CFAP20DC: variants seen among roughly 807,000 people sequenced by gnomAD.
The protein encoded by CFAP20DC is CFAP20 domain containing, also known as protein CFAP20DC.
A neutral mutation model predicts 101.7 loss-of-function variants in CFAP20DC; 84 were observed. The observed-to-expected ratio is 0.83, with a 90% CI of 0.69 to 0.99. CFAP20DC has a LOEUF of 0.99. Ranked by LOEUF, CFAP20DC falls within the 50% of genes least tolerant of loss-of-function variation. CFAP20DC has a pLI of 0.00. For missense variants in CFAP20DC, 1,007 were observed against 970.3 expected (o/e 1.04, Z -0.50); for synonymous variants, 359 against 351.2 (o/e 1.02, Z -0.25).
intron 15 of CFAP20DC, among the ~76,000 whole-genome samples, chr3:58,770,983 A>G (rs1456202218): frequency 6.6e-6 from 1 of 152,196 alleles, no homozygotes; most frequent in African/African-American, 2.4e-5. Context: ...TCACAATAGC[A>G]AAGACTTGGA....
rs1197847263 is a variant in CFAP20DC at position 58,717,575 on chromosome 3, G to T, written c.*13C>A. 1 of 452,246 alleles carries T rather than the reference G, an allele frequency of 2.2e-6. No homozygotes were observed. Among genetic ancestry groups the T allele is most frequent in the Admixed American group, 2.4e-5 (1 of 42,000 alleles). 28.0% of individuals were successfully genotyped at this position (452,246 alleles called of 1,614,324 possible). ...GTTCTTGTCCTGATATCTTTAGAGT[G>T]TGAGTTTTGCCTTCACAGTTGCAAA... On this transcript the variant is annotated 3_prime_UTR_variant, in exon 4 of 4. Transcript: ENST00000486145. The surrounding 1 kb of genome is among the most constrained non-coding windows in gnomAD (Gnocchi z 4.1).
chr3:58,905,453 A>C (rs1327294455), intron 6 of CFAP20DC, among the ~76,000 whole-genome samples: 1 of 152,232 alleles, frequency 6.6e-6, no homozygotes, highest in Non-Finnish European at 1.5e-5. Context: ...AAAGTAATAA[A>C]GTAAATTGAA....
At chr3:58,836,744 C>A (rs2076763209) in intron 13 of CFAP20DC, among the ~76,000 whole-genome samples, 1 of 151,964 alleles carries the variant, frequency 6.6e-6, no homozygotes. Flanking sequence ...GACTATCGAA[C>A]AATCTCCACC....
Position 58,871,625 on chromosome 3 carries a change from T to A in CFAP20DC, c.716-1316A>T, listed in dbSNP as rs531783227. Among the ~76,000 whole-genome samples, 10 of 150,218 alleles carry A rather than the reference T, an allele frequency of 6.7e-5. No individual in the cohort carries two copies. In the East Asian group the frequency reaches 2.0e-3, roughly 29 times the overall value. Reference sequence around the variant, plus strand: ...CTCACTGCAACCGCCGCCTCCTGGGTTCAAGCGATTCTCATGCCTCAGCCC... The same window carrying A: ...CTCACTGCAACCGCCGCCTCCTGGGATCAAGCGATTCTCATGCCTCAGCCC... On this transcript the variant is annotated intron_variant, in intron 7 of 16. Transcript: ENST00000482387.
At chr3:59,000,932 T>C (rs2108749226) in intron 4 of CFAP20DC, among the ~76,000 whole-genome samples, 1 of 151,762 alleles carries the variant, frequency 6.6e-6, no homozygotes. Flanking sequence ...TAAAAAGACA[T>C]CACCCAGTGA....
rs541812405 is a variant in CFAP20DC at position 58,819,327 on chromosome 3, C to T, written c.2175+12359G>A. 1.7e-3 allele frequency among the ~76,000 whole-genome samples: 257 copies of T among 152,092 alleles called. 1 individual carries two copies. The highest frequency in any genetic ancestry group is 5.8e-3 in the African/African-American group (242 of 41,508). On this transcript the variant is annotated intron_variant, in intron 14 of 16. Transcript: ENST00000482387. ...TGAAGGAAATAGAGACACAAAAAACCCTTCAAAAAATCAATGAATCCAGGA... is the reference window on the plus strand; with the variant it reads ...TGAAGGAAATAGAGACACAAAAAACTCTTCAAAAAATCAATGAATCCAGGA...
rs1174873386 is a variant in CFAP20DC at position 58,849,308 on chromosome 3, T to C, written c.1695A>G (p.Thr565=). ...ESLLGKAAKR[T]SKEYLRSAYT... is the part of the protein sequence containing the mutation. ...AGGCGCTCCTTAGATATTCCTTACT[T>C]GTCCGCTTTGCAGCCTTCCCCAGCA... The change falls in exon 13 of 17, where the codon ACA becomes ACG. Residue 565 remains threonine, a synonymous_variant. Coordinates refer to ENST00000482387, the MANE Select transcript of CFAP20DC (RefSeq NM_001394063.1). 1 of 1,536,112 alleles carries C rather than the reference T, an allele frequency of 6.5e-7. No homozygotes were observed. Among genetic ancestry groups the C allele is most frequent in the Non-Finnish European group, 8.7e-7 (1 of 1,146,896 alleles).
At chr3:58,978,177 C>T (rs2092361544) in intron 4 of CFAP20DC, among the ~76,000 whole-genome samples, 1 of 152,100 alleles carries the variant, frequency 6.6e-6, no homozygotes, top group Admixed American at 6.5e-5. Flanking sequence ...ATTTACCTTC[C>T]TTCCTAGCCT....
intron 4 of CFAP20DC, among the ~76,000 whole-genome samples, chr3:58,951,810 T>C (rs373126854): frequency 6.6e-6 from 1 of 152,080 alleles, no homozygotes; most frequent in South Asian, 2.1e-4. Flanking sequence ...TAATGTTAAA[T>C]GACGAGTTAC....
chr3:59,046,088 C>T (rs1699837519), intron 3 of CFAP20DC, 141 bp downstream of exon 3: 1 of 602,620 alleles, frequency 1.7e-6, no homozygotes. Context: ...TAGTTAGTTG[C>T]CCTCTAAATT....
At chr3:58,798,654 A>T (rs1046178159) in intron 15 of CFAP20DC, among the ~76,000 whole-genome samples, 2 of 152,222 alleles carry the variant, frequency 1.3e-5, no homozygotes, top group South Asian at 4.1e-4. Context: ...ATGCCATCAA[A>T]CAGCATTGCA....
intron 3 of CFAP20DC, among the ~76,000 whole-genome samples, chr3:59,045,703 T>C (rs1436789645): frequency 6.6e-6 from 1 of 152,156 alleles, no homozygotes; most frequent in African/African-American, 2.4e-5. Context: ...ACTTTATGAT[T>C]AATATTAAAA....
intron 13 of CFAP20DC, among the ~76,000 whole-genome samples, chr3:58,847,122 A>G (rs2077728105): frequency 8.0e-6 from 1 of 124,770 alleles, no homozygotes; most frequent in South Asian, 3.1e-4. Context: ...CTTCATGTCT[A>G]AAACACCAAA....
intron 15 of CFAP20DC, among the ~76,000 whole-genome samples, chr3:58,774,539 A>G (rs750367059): frequency 2.2e-4 from 34 of 152,342 alleles, no homozygotes; most frequent in Non-Finnish European, 4.0e-4. Flanking sequence ...CTACCTGGAA[A>G]GATCACACAA....
intron 13 of CFAP20DC, among the ~76,000 whole-genome samples, chr3:58,848,168 T>TAAA (rs55786702): frequency 1.4e-5 from 2 of 144,022 alleles, no homozygotes; most frequent in Non-Finnish European, 3.1e-5. Flanking sequence ...AAAGTATAAT[T>TAAA]AAAAAAAAAA....
chr3:58,954,483 T>C (rs1026993533), intron 4 of CFAP20DC, among the ~76,000 whole-genome samples: 1 of 152,186 alleles, frequency 6.6e-6, no homozygotes, highest in African/African-American at 2.4e-5. Context: ...AGTGATGGTA[T>C]CAAATAGCTC....
At position 58,884,847 on chromosome 3, in the gene CFAP20DC, T is replaced by A. The variant is rs1292535836; in HGVS notation, c.551-138A>T. Reference sequence around the variant, plus strand: ...GAGTTATTCAACCTTTCAGCCCTGATTTTCTCATCTGTGAAATGAGCATGA... The same window carrying A: ...GAGTTATTCAACCTTTCAGCCCTGAATTTCTCATCTGTGAAATGAGCATGA... On this transcript the variant is annotated intron_variant, in intron 6 of 16. Coordinates refer to ENST00000482387, the MANE Select transcript of CFAP20DC (RefSeq NM_001394063.1). The A allele has an allele frequency of 4.4e-6, 3 of 683,840 alleles. No homozygotes were observed. The East Asian group carries it at 8.3e-5, about 19-fold the overall frequency. 42.4% of individuals were successfully genotyped at this position (683,840 alleles called of 1,614,324 possible). A position where few individuals can be genotyped will look rare whatever the true frequency, so the allele number is the denominator to read the frequency against.
intron 7 of CFAP20DC, among the ~76,000 whole-genome samples, chr3:58,870,684 C>G (rs1213911343): frequency 1.3e-5 from 2 of 148,708 alleles, no homozygotes; most frequent in East Asian, 3.9e-4. Flanking sequence ...GTCAGGAGAT[C>G]GAGACCATCC....
At chr3:58,849,915 C>T (rs1406649581) in intron 12 of CFAP20DC, among the ~76,000 whole-genome samples, 1 of 152,038 alleles carries the variant, frequency 6.6e-6, no homozygotes, top group Non-Finnish European at 1.5e-5. Flanking sequence ...TTTTGTTTTT[C>T]AAGAGCAATG....
Sources: allele counts gnomAD v4.1 joint callset (sites outside exome capture counted in the v4.1 genomes callset), GRCh38; gene constraint gnomAD v4.1.1; non-coding constraint Gnocchi (gnomAD v3.1); transcripts MANE v1.5; gene names NCBI Gene and HGNC (gene_info 2026-07-23, HGNC 2026-07-21).